LMOD3: variants seen among roughly 807,000 people sequenced by gnomAD.
The protein encoded by LMOD3 is leiomodin-3.
In LMOD3, 31 loss-of-function variants were observed where a neutral mutation model predicts 41.8. That is an observed-to-expected ratio of 0.74 (90% CI 0.56 to 1.00). The LOEUF is 1.00. Ranked by LOEUF, LMOD3 falls within the 50% of genes least tolerant of loss-of-function variation. The probability of loss-of-function intolerance (pLI) is 0.00; values close to 1 mark genes in which losing one functional copy is unlikely to be tolerated. For missense variants in LMOD3, 755 were observed against 679.5 expected, an observed-to-expected ratio of 1.11 and a Z score of -1.23; for synonymous variants, 292 against 241.9, an observed-to-expected ratio of 1.21 and a Z score of -1.92.
At chr3:69,121,685 C>T (rs1302527573) in intron 1 of LMOD3, among the ~76,000 whole-genome samples, 7 of 152,094 alleles carry the variant, frequency 4.6e-5, no homozygotes, top group Admixed American at 2.0e-4. Flanking sequence ...CGAAACACTG[C>T]GTATGTTTGG....
rs749113549 is a variant in LMOD3 at position 69,118,762 on chromosome 3, T to G, written c.1593A>C (p.Glu531Asp). 1.2e-6 allele frequency: 2 copies of G among 1,612,362 alleles called. No homozygotes were observed. Among genetic ancestry groups the G allele is most frequent in the Non-Finnish European group, 1.7e-6 (2 of 1,179,550 alleles). ...VPRNRPPPLV[E>D]ITPRDQLLND... ...TTAGCAGCTGATCTCTGGGAGTGAT[T>G]TCCACCAATGGGGGTGGCCTGTTTC... Residue 531 changes from glutamate (E) to aspartate (D), a missense_variant, in exon 2 of 3, where the codon GAA becomes GAC. By Grantham distance (45) the Glu-to-Asp change is conservative. Transcript: ENST00000420581.
intron 2 of LMOD3, among the ~76,000 whole-genome samples, chr3:69,116,027 C>A (rs911304694): frequency 6.6e-6 from 1 of 152,104 alleles, no homozygotes; most frequent in African/African-American, 2.4e-5. Flanking sequence ...TAAAGTGAGA[C>A]GGGTATGCAA....
At chr3:69,109,603 C>CT (rs1247723331) in intron 2 of LMOD3, among the ~76,000 whole-genome samples, 1 of 144,132 alleles carries the variant, frequency 6.9e-6, no homozygotes, top group African/African-American at 2.6e-5. Flanking sequence ...TCTTGGCTCA[C>CT]TGCAACCTCC....
At position 69,119,460 on chromosome 3, in the gene LMOD3, C is replaced by T. The variant is rs758653889; in HGVS notation, c.895G>A (p.Ala299Thr). ...CGCAACATGTTAGCCAAGGCAAATG[C>T]TACATTCTCATCTGCACCCACATTG... ...LANVGADENV[A>T]FALANMLREN... is the part of the protein sequence containing the mutation. Residue 299 changes from alanine to threonine, a missense_variant, in exon 2 of 3, where the codon GCA becomes ACA. Ala to Thr is a moderately conservative substitution (Grantham distance 58). Coordinates refer to ENST00000420581, the MANE Select transcript of LMOD3 (RefSeq NM_198271.5). 2.4e-5 allele frequency: 38 copies of T among 1,613,868 alleles called. No individual in the cohort carries two copies. Among genetic ancestry groups the T allele is most frequent in the Non-Finnish European group, 3.1e-5 (37 of 1,179,876 alleles).
intron 2 of LMOD3, among the ~76,000 whole-genome samples, chr3:69,112,446 G>T (rs116331918): frequency 0.011 from 1,688 of 152,330 alleles, 11 homozygotes; most frequent in Middle Eastern, 0.044. Context: ...GGCCAGAAGG[G>T]CTGTCAACCT....
In LMOD3 at chr3:69,122,277, G is replaced by A. The variant is rs572092252; in HGVS notation, c.110C>T (p.Ser37Leu). The A allele has an allele frequency of 1.5e-5, 24 of 1,613,434 alleles. No homozygotes were observed. The highest frequency in any genetic ancestry group is 4.5e-5 in the East Asian group (2 of 44,812). The change falls in exon 1 of 3, where the codon TCG becomes TTG. Residue 37 changes from serine to leucine, a missense_variant. Transcript: ENST00000420581. ...LSAEELKELQ[S>L]EMEVMAPDPS... ...GTCAGGGGCCATGACTTCCATTTCCGACTGCAGTTCTTTCAGTTCTTCAGC... is the reference window on the plus strand; with the variant it reads ...GTCAGGGGCCATGACTTCCATTTCCAACTGCAGTTCTTTCAGTTCTTCAGC...
At chr3:69,114,198 T>G (rs2092361401) in intron 2 of LMOD3, among the ~76,000 whole-genome samples, 1 of 152,174 alleles carries the variant, frequency 6.6e-6, no homozygotes, top group Non-Finnish European at 1.5e-5. Flanking sequence ...TGTGGCCAGA[T>G]CTGATGTTCC....
At position 69,119,229 on chromosome 3, in the gene LMOD3, G is replaced by A. The variant is rs1559661693; in HGVS notation, c.1126C>T (p.His376Tyr). 3 of 1,613,782 alleles carry A rather than the reference G, an allele frequency of 1.9e-6. No individual in the cohort carries two copies. Among genetic ancestry groups the A allele is most frequent in the South Asian group, 2.2e-5 (2 of 91,042 alleles). Residue 376 changes from histidine (H) to tyrosine (Y), a missense_variant, in exon 2 of 3, where the codon CAT (histidine) becomes TAT (tyrosine). Physicochemically the swap from His to Tyr is moderately conservative, Grantham distance 83. Transcript: ENST00000420581. ...ATTCTGGGACCCGGAAGCTCAAAAT[G>A]GTAGCCCATCTTCAGGAGAGTGTTG... ...ANNTLLKMGY[H>Y]FELPGPRMVV...
chr3:69,109,229 T>G lies in LMOD3; in HGVS notation c.1657-108A>C, dbSNP rs954046292. The G allele has an allele frequency of 3.9e-6, 4 of 1,031,082 alleles. No homozygotes were observed. The African/African-American group carries it at 6.4e-5, about 17-fold the overall frequency. 63.9% of individuals were successfully genotyped at this position (1,031,082 alleles called of 1,614,324 possible). A position where few individuals can be genotyped will look rare whatever the true frequency, so the allele number is the denominator to read the frequency against. ...TGCCTTAAAAGATACAGAATAGGTTTGAAATTCTGGCCAAAGCACCTCCAA... is the reference window on the plus strand; with the variant it reads ...TGCCTTAAAAGATACAGAATAGGTTGGAAATTCTGGCCAAAGCACCTCCAA... On this transcript the variant is annotated intron_variant, in intron 2 of 2. Transcript: ENST00000420581.
chr3:69,114,030 TAAAA>T (rs1419081046), intron 2 of LMOD3, among the ~76,000 whole-genome samples: 3 of 152,086 alleles, frequency 2.0e-5, no homozygotes, highest in Admixed American at 6.5e-5. Flanking sequence ...AAGAGCATAA[TAAAA>T]AAATTCTACA....
chr3:69,109,918 T>C (rs935505728), intron 2 of LMOD3, among the ~76,000 whole-genome samples: 5 of 152,138 alleles, frequency 3.3e-5, no homozygotes, highest in South Asian at 4.1e-4. Flanking sequence ...CCTAAGATCA[T>C]ACAGCTAGGA....
In LMOD3 at chr3:69,122,432, G is replaced by A. The variant is rs1397453045; in HGVS notation, c.-46C>T. On this transcript the variant is annotated 5_prime_UTR_variant, in exon 1 of 3. Coordinates refer to ENST00000420581, the MANE Select transcript of LMOD3 (RefSeq NM_198271.5). ...TTACTAGAAAAGAAGAATAATCAAA[G>A]ATGATTTTTAAAAAGAAGGAAAAAA... The A allele has an allele frequency of 8.7e-6, 12 of 1,373,562 alleles. No individual in the cohort carries two copies. The highest frequency in any genetic ancestry group is 2.6e-5 in the Admixed American group (1 of 38,718). The allele number at this position is 1,373,562 out of a possible 1,614,324, so 85.1% of individuals were successfully genotyped here.
rs2092323961 is a variant in LMOD3, at chr3:69,106,692, A to ATT, written c.*2402_*2403insAA. Among the ~76,000 whole-genome samples the ATT allele has an allele frequency of 1.4e-5, 2 of 145,662 alleles. No homozygotes were observed. Among genetic ancestry groups the ATT allele is most frequent in the African/African-American group, 5.3e-5 (2 of 37,810 alleles). On this transcript the variant is annotated 3_prime_UTR_variant, in exon 3 of 3. Transcript: ENST00000420581. ...AAACAAATGCATAGGGGCTTTCTAG[A>ATT]ATTTTTTTTTTTTTTTTGAGATGAG...
intron 2 of LMOD3, among the ~76,000 whole-genome samples, chr3:69,117,515 T>C (rs1283867246): frequency 6.6e-6 from 1 of 152,208 alleles, no homozygotes; most frequent in African/African-American, 2.4e-5. Context: ...CTGCGGCCTC[T>C]GAACACATCT....
chr3:69,113,843 G>A (rs1038455747), intron 2 of LMOD3, among the ~76,000 whole-genome samples: 1 of 152,150 alleles, frequency 6.6e-6, no homozygotes, highest in African/African-American at 2.4e-5. Context: ...CAAGATTTTT[G>A]AAGATGAAAG....
rs752892363 is a variant in LMOD3 at position 69,110,162 on chromosome 3, A to G, written c.1657-1041T>C. ...CTACTCAGGAGATTGAGATGGGAGA[A>G]TCACTTGTGGCCAGGAGTTCGAGAC... On this transcript the variant is annotated intron_variant, in intron 2 of 2. Transcript: ENST00000420581. Among the ~76,000 whole-genome samples the G allele has an allele frequency of 4.6e-5, 7 of 152,122 alleles. 1 individual carries two copies. The highest frequency in any genetic ancestry group is 7.2e-5 in the African/African-American group (3 of 41,426).
Position 69,121,801 on chromosome 3 carries a change from T to TA in LMOD3, c.294+291dup, listed in dbSNP as rs2092408931. On this transcript the variant is annotated intron_variant, in intron 1 of 2. Coordinates refer to ENST00000420581, the MANE Select transcript of LMOD3 (RefSeq NM_198271.5). ...GGACAACTGCCTCTGGGTTATGAGT[T>TA]AAGTCACTAAGTATCGTGGCAATAG... Among the ~76,000 whole-genome samples, 3 of 152,298 alleles carry TA rather than the reference T, an allele frequency of 2.0e-5. No individual in the cohort carries two copies. The South Asian group carries it at 6.2e-4, about 32-fold the overall frequency.
At chr3:69,117,859 G>T (rs1460560778) in intron 2 of LMOD3, among the ~76,000 whole-genome samples, 3 of 144,548 alleles carry the variant, frequency 2.1e-5, no homozygotes, top group African/African-American at 7.9e-5. Context: ...TTTAGATGGA[G>T]TCTCGCTCTG....
chr3:69,122,030 CAG>C, intron 1 of LMOD3, 61 bp downstream of exon 1: 1 of 1,361,210 alleles, frequency 7.3e-7, no homozygotes, highest in Non-Finnish European at 1.0e-6. Flanking sequence ...ACAGTTACAA[CAG>C]AGAGACCTAA....
Sources: allele counts gnomAD v4.1 joint callset (sites outside exome capture counted in the v4.1 genomes callset), GRCh38; gene constraint gnomAD v4.1.1; transcripts MANE v1.5; gene names NCBI Gene and HGNC (gene_info 2026-07-23, HGNC 2026-07-21).